NCKAP5: variants seen among roughly 807,000 people sequenced by gnomAD.
The protein encoded by NCKAP5 is nck-associated protein 5.
NCKAP5 carries 92 observed loss-of-function variants against 167.0 expected under a neutral mutation model. The ratio of observed to expected loss-of-function variants is 0.55; its 90% confidence interval spans 0.47 to 0.66. The LOEUF (loss-of-function observed/expected upper bound fraction) is 0.66. NCKAP5 is among the 30% of genes least tolerant of loss of function. NCKAP5 has a pLI of 0.00. For missense variants in NCKAP5, 2,378 were observed against 2,315.0 expected (o/e 1.03, Z -0.56); for synonymous variants, 891 against 877.4 (o/e 1.02, Z -0.27).
At chr2:133,370,862 T>A (rs1457914458) in intron 3 of NCKAP5, among the ~76,000 whole-genome samples, 2 of 152,120 alleles carry the variant, frequency 1.3e-5, no homozygotes, top group African/African-American at 4.8e-5. Flanking sequence ...GGGCCCTACT[T>A]AGAAGTTATG....
chr2:132,842,181 A>G (rs149301395), intron 11 of NCKAP5, among the ~76,000 whole-genome samples: 1 of 152,256 alleles, frequency 6.6e-6, no homozygotes, highest in African/African-American at 2.4e-5. Context: ...TTTACAGTTT[A>G]CATTTTGCTA....
intron 3 of NCKAP5, among the ~76,000 whole-genome samples, chr2:133,430,829 G>A (rs908263551): frequency 2.0e-5 from 3 of 150,964 alleles, no homozygotes; most frequent in Non-Finnish European, 4.4e-5. Flanking sequence ...TTATCACTGG[G>A]TCCTTAAGGT....
intron 3 of NCKAP5, among the ~76,000 whole-genome samples, chr2:133,331,639 C>A (rs1682862192): frequency 6.6e-6 from 1 of 152,192 alleles, no homozygotes; most frequent in Non-Finnish European, 1.5e-5. Context: ...CACTTAAGGG[C>A]ATAAACAGCC....
intron 2 of NCKAP5, among the ~76,000 whole-genome samples, chr2:133,526,263 AGGAGGGAGGGAGGGAAGGAG>A (rs1684905567): frequency 3.4e-4 from 9 of 26,212 alleles, no homozygotes; most frequent in East Asian, 1.2e-3. Context: ...GAGGGAGGGA[AGGAGGGAGGGAGGGAAGGAG>A]GGAGGGAGGG....
At chr2:133,226,074 G>A (rs12477484) in intron 4 of NCKAP5, among the ~76,000 whole-genome samples, 6,532 of 150,976 alleles carry the variant, frequency 0.043, 164 homozygotes, top group Middle Eastern at 0.082. Context: ...GATTACAGCC[G>A]TGAGCCACGG....
At chr2:132,726,517 A>C (rs936968347) in intron 18 of NCKAP5, among the ~76,000 whole-genome samples, 2 of 152,190 alleles carry the variant, frequency 1.3e-5, no homozygotes, top group African/African-American at 4.8e-5. Context: ...CTATGTGTTG[A>C]ATCGAGGTTA....
At chr2:133,132,968 G>A (rs915133372) in intron 5 of NCKAP5, among the ~76,000 whole-genome samples, 5 of 151,994 alleles carry the variant, frequency 3.3e-5, no homozygotes, top group African/African-American at 7.2e-5. Flanking sequence ...TAGCCACCAC[G>A]CCCAGCCTGT....
In NCKAP5 at chr2:133,516,022, A is replaced by G. The variant is rs563167302; in HGVS notation, c.69+1436T>C. Among the ~76,000 whole-genome samples the G allele has an allele frequency of 2.4e-3, 361 of 152,354 alleles. 2 individuals carry two copies. The highest frequency in any genetic ancestry group is 8.1e-3 in the African/African-American group (335 of 41,588). ...CATAAAACTTGAGATCTGAGGCAGA[A>G]ATCTATGGCTTTGGGGACCAACCAA... On this transcript the variant is annotated intron_variant, in intron 3 of 19. Coordinates refer to ENST00000409261, the MANE Select transcript of NCKAP5 (RefSeq NM_207363.3).
intron 6 of NCKAP5, among the ~76,000 whole-genome samples, chr2:133,028,580 CTATT>C (rs1256197724): frequency 6.6e-6 from 1 of 152,176 alleles, no homozygotes; most frequent in Non-Finnish European, 1.5e-5. Flanking sequence ...TAGGAGTACA[CTATT>C]TATAAGTGAG....
At chr2:133,447,033 A>T (rs1691237339) in intron 3 of NCKAP5, among the ~76,000 whole-genome samples, 1 of 152,172 alleles carries the variant, frequency 6.6e-6, no homozygotes, top group African/African-American at 2.4e-5. Flanking sequence ...TAACCAAGAA[A>T]GAACCATTGG....
chr2:133,526,215 G>GGAAGGAAA (rs1684874473), intron 2 of NCKAP5, among the ~76,000 whole-genome samples: 1 of 134,112 alleles, frequency 7.5e-6, no homozygotes, highest in Admixed American at 8.3e-5. Flanking sequence ...AAGGAAGGAA[G>GGAAGGAAA]GAAGGAAGGA....
intron 6 of NCKAP5, among the ~76,000 whole-genome samples, chr2:133,126,835 T>C (rs2082419568): frequency 6.6e-6 from 1 of 152,210 alleles, no homozygotes; most frequent in Admixed American, 6.5e-5. Context: ...TTGGGCTATG[T>C]GAAGGTGATA....
the NCKAP5 span, among the ~76,000 whole-genome samples, chr2:133,577,119 T>C: frequency 2.0e-5 from 3 of 152,222 alleles, no homozygotes; most frequent in Non-Finnish European, 4.4e-5. Context: ...CCAAATTATG[T>C]CCAGTCCCCA....
chr2:133,660,008 G>T, the NCKAP5 span, among the ~76,000 whole-genome samples: 1 of 152,064 alleles, frequency 6.6e-6, no homozygotes, highest in Non-Finnish European at 1.5e-5. Context: ...GAGATAGCAC[G>T]ACCAATGGAA....
intron 3 of NCKAP5, among the ~76,000 whole-genome samples, chr2:133,469,656 T>C (rs552483805): frequency 6.6e-6 from 1 of 152,126 alleles, no homozygotes; most frequent in Admixed American, 6.5e-5. Context: ...ACCCATCAGA[T>C]GTAGATTTGG....
intron 8 of NCKAP5, among the ~76,000 whole-genome samples, chr2:132,905,932 C>G (rs1370933066): frequency 6.6e-6 from 1 of 152,102 alleles, no homozygotes; most frequent in Non-Finnish European, 1.5e-5. Context: ...AGGGACGCAG[C>G]AGAACTCCAA....
intron 4 of NCKAP5, among the ~76,000 whole-genome samples, chr2:133,275,044 T>C (rs898613159): frequency 6.6e-6 from 1 of 150,632 alleles, no homozygotes; most frequent in Non-Finnish European, 1.5e-5. Context: ...AGAATACATA[T>C]CCTAAATTTG....
chr2:132,804,575 C>T (rs1685286784), intron 11 of NCKAP5, among the ~76,000 whole-genome samples: 1 of 151,976 alleles, frequency 6.6e-6, no homozygotes, highest in African/African-American at 2.4e-5. Flanking sequence ...AAAAAAAACC[C>T]AAAACTTGAC....
intron 6 of NCKAP5, among the ~76,000 whole-genome samples, chr2:133,064,390 C>T (rs775520358): frequency 2.0e-5 from 3 of 152,008 alleles, no homozygotes; most frequent in Non-Finnish European, 2.9e-5. Flanking sequence ...CTAAAAGGGT[C>T]TGCTAACAAT....
Sources: allele counts gnomAD v4.1 joint callset (sites outside exome capture counted in the v4.1 genomes callset), GRCh38; gene constraint gnomAD v4.1.1; transcripts MANE v1.5; gene names NCBI Gene and HGNC (gene_info 2026-07-23, HGNC 2026-07-21).